The following SLIT2 variants were observed in gnomAD, a reference collection of about 807,000 sequenced individuals.
SLIT2 encodes the protein slit homolog 2 protein.
In SLIT2, 41 loss-of-function variants were observed where a neutral mutation model predicts 185.7. That is an observed-to-expected ratio of 0.22 (90% confidence interval 0.17 to 0.29). SLIT2 has a LOEUF of 0.29. Among genes scored for constraint, SLIT2 ranks in the 10% least tolerant of loss-of-function variants. SLIT2 has a pLI of 1.00. For missense variants in SLIT2, 1,571 were observed against 1,909.0 expected (o/e 0.82, Z 3.30); for synonymous variants, 693 against 680.2 (o/e 1.02, Z -0.29).
intron 6 of SLIT2, among the ~76,000 whole-genome samples, chr4:20,483,364 C>T (rs1017853479): frequency 2.6e-5 from 4 of 151,952 alleles, no homozygotes; most frequent in Non-Finnish European, 2.9e-5. Context: ...TGCACGTTCA[C>T]GGAGAACTGG....
chr4:20,467,650 C>T (rs1280718293), intron 4 of SLIT2, 102 bp from the exon 5 acceptor site: 1 of 619,688 alleles, frequency 1.6e-6, no homozygotes, highest in Non-Finnish European at 2.7e-6. Context: ...TTAGGGTTTT[C>T]TTTTTTCTTT....
At chr4:20,264,446 C>T (rs1225768564) in intron 3 of SLIT2, among the ~76,000 whole-genome samples, 1 of 151,622 alleles carries the variant, frequency 6.6e-6, no homozygotes, top group Non-Finnish European at 1.5e-5. Context: ...ATATGGAGCA[C>T]AAAATTTTAC....
intron 4 of SLIT2, among the ~76,000 whole-genome samples, chr4:20,363,384 C>A (rs1722885669): frequency 6.6e-6 from 1 of 152,108 alleles, no homozygotes; most frequent in Non-Finnish European, 1.5e-5. Flanking sequence ...ATAATTATTT[C>A]TGCAGAGCAG....
intron 4 of SLIT2, among the ~76,000 whole-genome samples, chr4:20,280,303 A>C (rs1386725936): frequency 4.7e-5 from 7 of 148,208 alleles, no homozygotes; most frequent in Non-Finnish European, 1.0e-4. Flanking sequence ...ACTGCACTCC[A>C]GCCTGGGTGA....
At chr4:20,602,617 G>A (rs1444300584) in intron 33 of SLIT2, among the ~76,000 whole-genome samples, 1 of 152,122 alleles carries the variant, frequency 6.6e-6, no homozygotes, top group Non-Finnish European at 1.5e-5. Flanking sequence ...GAAGCTCTTA[G>A]CTAGACCCGA....
At chr4:20,544,655 A>G (rs1723097043) in intron 21 of SLIT2, among the ~76,000 whole-genome samples, 1 of 152,152 alleles carries the variant, frequency 6.6e-6, no homozygotes, top group South Asian at 2.1e-4. Context: ...GAAGAATTTC[A>G]TATGTGTATT....
rs188951117 is a variant in SLIT2 at position 20,251,942 on chromosome 4, G to T, written c.-1874G>T. ...TTATTTGGGAAGCGCCCGGACGGCG[G>T]AGCTTGGCGGCGGCGGTGGTGGTGG... On this transcript the variant is annotated 5_prime_UTR_variant, in exon 1 of 37. Transcript: ENST00000504154. Among the ~76,000 whole-genome samples the T allele has an allele frequency of 0.01, 1,586 of 152,252 alleles. 19 individuals are homozygous for T. The highest frequency in any genetic ancestry group is 0.036 in the African/African-American group (1,480 of 41,562).
intron 26 of SLIT2, among the ~76,000 whole-genome samples, chr4:20,561,978 T>A (rs1024664241): frequency 6.6e-6 from 1 of 151,894 alleles, no homozygotes; most frequent in African/African-American, 2.4e-5. Context: ...GCCCTTTCCA[T>A]GTAATTTTGG....
At chr4:20,448,115 A>G (rs965897299) in intron 4 of SLIT2, among the ~76,000 whole-genome samples, 1 of 152,192 alleles carries the variant, frequency 6.6e-6, no homozygotes, top group Non-Finnish European at 1.5e-5. Context: ...ACTGTCGTTC[A>G]TTGTGTTTTT....
chr4:20,308,075 A>G (rs1002750538), intron 4 of SLIT2, among the ~76,000 whole-genome samples: 2 of 152,170 alleles, frequency 1.3e-5, no homozygotes, highest in African/African-American at 2.4e-5. Flanking sequence ...AAAATGTCCT[A>G]TGGCTACCAG....
intron 4 of SLIT2, among the ~76,000 whole-genome samples, chr4:20,290,300 G>A (rs1346161412): frequency 6.6e-6 from 1 of 151,938 alleles, no homozygotes; most frequent in Non-Finnish European, 1.5e-5. Flanking sequence ...TCAACCAACA[G>A]CAGATCAAAA....
intron 6 of SLIT2, among the ~76,000 whole-genome samples, chr4:20,483,246 A>G (rs2148782989): frequency 6.6e-6 from 1 of 152,122 alleles, no homozygotes; most frequent in East Asian, 1.9e-4. Flanking sequence ...TTGGTCATTG[A>G]TGAAAAGTAT....
Position 20,567,244 on chromosome 4 carries a change from T to C in SLIT2, c.2726-18T>C. The stretch of plus-strand genomic sequence containing the variant: ...CTGGAAGAGCGTCAGTTGCTTATAT[T>C]TTTGAATTAATTTTCAGGTCCTGTG... On this transcript the variant is annotated intron_variant, in intron 26 of 36. Coordinates refer to ENST00000504154, the MANE Select transcript of SLIT2 (RefSeq NM_004787.4). 6.3e-7 allele frequency: 1 copy of C among 1,593,004 alleles called. No individual in the cohort carries two copies. The highest frequency in any genetic ancestry group is 8.5e-7 in the Non-Finnish European group (1 of 1,172,230).
rs577718978 is a variant in SLIT2, at chr4:20,598,669, T to C, written c.3692+274T>C. On this transcript the variant is annotated intron_variant, in intron 33 of 36. Transcript: ENST00000504154. ...AACAAGGGATGCAGGGAGGTGTTGC[T>C]ACCCATATGCCTGAAGGATCAAGAG... Among the ~76,000 whole-genome samples the C allele has an allele frequency of 2.0e-5, 3 of 152,216 alleles. No homozygotes were observed. In the South Asian group the frequency reaches 6.2e-4, roughly 32 times the overall value.
chr4:20,279,431 G>A (rs76745028), intron 4 of SLIT2, among the ~76,000 whole-genome samples: 5,702 of 152,158 alleles, frequency 0.037, 269 homozygotes, highest in East Asian at 0.1. Context: ...CTCCTCATAT[G>A]GGCCTCAGCT....
chr4:20,500,091 A>G (rs1431918342), intron 9 of SLIT2, among the ~76,000 whole-genome samples: 1 of 152,208 alleles, frequency 6.6e-6, no homozygotes, highest in Non-Finnish European at 1.5e-5. Context: ...AAGGCAAATG[A>G]TACCATTTTT....
At chr4:20,609,410 T>C (rs1488373340) in intron 33 of SLIT2, among the ~76,000 whole-genome samples, 2 of 152,216 alleles carry the variant, frequency 1.3e-5, no homozygotes, top group African/African-American at 4.8e-5. Context: ...TGAGCATAGA[T>C]AACTTCTTCA....
rs898092576 is a variant in SLIT2, at chr4:20,488,954, G to C, written c.747G>C (p.Glu249Asp). The change falls in exon 8 of 37, where the codon GAG becomes GAC. Residue 249 changes from glutamate (E) to aspartate (D), a missense_variant. Glu to Asp is a conservative substitution (Grantham distance 45, BLOSUM62 2). Transcript: ENST00000504154. ...PSHLRGHNVA[E>D]VQKREFVCSG... ...ACCTGAGAGGCCATAATGTAGCCGA[G>C]GTTCAAAAACGAGAATTTGTCTGCA... 2.5e-6 allele frequency: 4 copies of C among 1,611,190 alleles called. No individual in the cohort carries two copies. The highest frequency in any genetic ancestry group is 3.4e-6 in the Non-Finnish European group (4 of 1,177,796).
chr4:20,530,682 T>A (rs539744239), intron 16 of SLIT2, among the ~76,000 whole-genome samples: 3 of 152,210 alleles, frequency 2.0e-5, no homozygotes, highest in African/African-American at 7.2e-5. Context: ...AGATTTATAA[T>A]TTTTTTAATT....
Sources: gnomAD v4.1 joint callset for allele counts (sites outside exome capture counted in the v4.1 genomes callset) on GRCh38, gnomAD v4.1.1 for gene constraint, MANE v1.5 for transcripts, NCBI Gene and HGNC (gene_info 2026-07-23, HGNC 2026-07-21) for gene names.